The following RALGPS2 variants were observed in gnomAD, a reference collection of about 807,000 sequenced individuals.
RALGPS2 encodes the protein Ral GEF with PH domain and SH3 binding motif 2, also known as ras-specific guanine nucleotide-releasing factor RalGPS2.
RALGPS2 carries 43 observed loss-of-function variants against 86.8 expected under a neutral mutation model. The observed-to-expected ratio is 0.50, with a 90% CI of 0.39 to 0.64. The LOEUF (loss-of-function observed/expected upper bound fraction) is 0.64, where lower values mean the gene tolerates loss of function less well. Ranked by LOEUF, RALGPS2 falls within the 30% of genes least tolerant of loss-of-function variation. The pLI is 0.00. For missense variants in RALGPS2, 536 were observed against 694.6 expected (o/e 0.77, Z 2.57); for synonymous variants, 243 against 231.3 (o/e 1.05, Z -0.46).
chr1:178,902,731 T>A (rs1027108676), intron 18 of RALGPS2, among the ~76,000 whole-genome samples: 1 of 152,128 alleles, frequency 6.6e-6, no homozygotes, highest in South Asian at 2.1e-4. Flanking sequence ...TCCACACAGA[T>A]CTAGAGATGC....
At chr1:178,804,029 C>T (rs929088838) in intron 4 of RALGPS2, among the ~76,000 whole-genome samples, 1 of 150,164 alleles carries the variant, frequency 6.7e-6, no homozygotes, top group African/African-American at 2.4e-5. Flanking sequence ...ATAGTATCAT[C>T]TTAACTGTTT....
intron 5 of RALGPS2, among the ~76,000 whole-genome samples, chr1:178,809,101 C>T (rs1274601867): frequency 6.6e-6 from 1 of 152,158 alleles, no homozygotes; most frequent in Non-Finnish European, 1.5e-5. Flanking sequence ...CCTCCTGCCT[C>T]AGCCTCCCAA....
chr1:178,833,247 G>A (rs188750089), intron 7 of RALGPS2, among the ~76,000 whole-genome samples, 177 bp from the exon 8 acceptor site: 1 of 151,852 alleles, frequency 6.6e-6, no homozygotes, highest in Non-Finnish European at 1.5e-5. Context: ...TAATGAATTT[G>A]GATTATTAAT....
At chr1:178,830,907 A>G (rs1216032667) in intron 7 of RALGPS2, among the ~76,000 whole-genome samples, 2 of 152,184 alleles carry the variant, frequency 1.3e-5, no homozygotes, top group African/African-American at 2.4e-5. Flanking sequence ...GAAAAAAGAA[A>G]AAAAATAGAA....
chr1:178,902,291 C>T, intron 18 of RALGPS2, 80 bp downstream of exon 18: 2 of 1,112,884 alleles, frequency 1.8e-6, no homozygotes, highest in Admixed American at 1.8e-5. Flanking sequence ...TGTGTGTATA[C>T]TTGTCATATA....
chr1:178,801,912 A>C (rs1324254676), intron 4 of RALGPS2, among the ~76,000 whole-genome samples: 1 of 152,160 alleles, frequency 6.6e-6, no homozygotes, highest in Non-Finnish European at 1.5e-5. Context: ...AAAGAAGCTT[A>C]TAATTAGAAA....
At chr1:178,900,910 T>A (rs915058102) in intron 17 of RALGPS2, among the ~76,000 whole-genome samples, 1 of 151,986 alleles carries the variant, frequency 6.6e-6, no homozygotes, top group African/African-American at 2.4e-5. Context: ...TACTTTTTAC[T>A]TTTTGAAAAA....
intron 1 of RALGPS2, among the ~76,000 whole-genome samples, chr1:178,734,705 G>A (rs910651763): frequency 2.6e-5 from 4 of 152,144 alleles, no homozygotes; most frequent in South Asian, 2.1e-4. Context: ...TATGTGTTTC[G>A]ATGATTCTGT....
chr1:178,747,541 C>A, intron 1 of RALGPS2: 1 of 1,612,078 alleles, frequency 6.2e-7, no homozygotes, highest in Non-Finnish European at 8.5e-7. Context: ...TCTTCTGCTG[C>A]CAAACCATAA....
chr1:178,774,536 A>G (rs1466805771), intron 1 of RALGPS2, among the ~76,000 whole-genome samples: 1 of 152,230 alleles, frequency 6.6e-6, no homozygotes, highest in Non-Finnish European at 1.5e-5. Flanking sequence ...AATTATTTGA[A>G]AAATATTTTG....
intron 8 of RALGPS2, among the ~76,000 whole-genome samples, chr1:178,876,964 C>G (rs1353546032): frequency 6.6e-6 from 1 of 152,110 alleles, no homozygotes; most frequent in Non-Finnish European, 1.5e-5. Flanking sequence ...AGTTAAGACT[C>G]AAATGATAGC....
chr1:178,894,710 T>G (rs1659866339), intron 16 of RALGPS2, among the ~76,000 whole-genome samples: 1 of 152,078 alleles, frequency 6.6e-6, no homozygotes, highest in Admixed American at 6.6e-5. Context: ...AAACCACAGA[T>G]AAGAGGGAAA....
At chr1:178,904,244 G>A (rs1400753581) in intron 18 of RALGPS2, among the ~76,000 whole-genome samples, 1 of 152,090 alleles carries the variant, frequency 6.6e-6, no homozygotes, top group Non-Finnish European at 1.5e-5. Flanking sequence ...GTAGATTCTA[G>A]ATGTTAGTCC....
Position 178,921,116 on chromosome 1 carries a change from C to T in RALGPS2, c.*4757C>T, listed in dbSNP as rs1358915751. 6.6e-6 allele frequency: 1 copy of T among 151,876 alleles called. No individual in the cohort carries two copies. The highest frequency in any genetic ancestry group is 1.5e-5 in the Non-Finnish European group (1 of 67,894). The allele number at this position is 151,876 out of a possible 1,614,324, so 9.4% of individuals were successfully genotyped here. On this transcript the variant is annotated 3_prime_UTR_variant, in exon 20 of 20. Transcript: ENST00000367635. ...ATTTTTTTAAAGGGCTAGTATGTTC[C>T]AGAGTAGGCAAGTAGTCATTCAAGC... is the stretch of plus-strand genomic sequence containing the variant.
At chr1:178,892,732 C>T (rs1029716478) in intron 15 of RALGPS2, among the ~76,000 whole-genome samples, 5 of 152,106 alleles carry the variant, frequency 3.3e-5, no homozygotes, top group East Asian at 1.9e-4. Context: ...TGAATGTAGA[C>T]GAGTCTATTT....
rs770782908 is a variant in RALGPS2 at position 178,746,983 on chromosome 1, C to T, written c.-84+21564C>T. 1.4e-5 allele frequency: 13 copies of T among 962,308 alleles called. 1 individual carries two copies. Among genetic ancestry groups the T allele is most frequent in the South Asian group, 6.4e-5 (5 of 77,736 alleles). The allele number at this position is 962,308 out of a possible 1,614,324, so 59.6% of individuals were successfully genotyped here. ...GTCTTCCTTAGAAAGTTCTTTCCAT[C>T]GTTTCTGTATACTAGAATCTCCCTT... On this transcript the variant is annotated intron_variant, in intron 1 of 19. Coordinates refer to ENST00000367635, the MANE Select transcript of RALGPS2 (RefSeq NM_152663.5).
intron 1 of RALGPS2, 42 bp from the exon 2 acceptor site, chr1:178,776,640 C>T (rs1475860758): frequency 1.6e-5 from 10 of 616,576 alleles, no homozygotes; most frequent in Non-Finnish European, 2.6e-5. Flanking sequence ...TTTTCTTGAA[C>T]TTCGAGGAAG....
intron 19 of RALGPS2, among the ~76,000 whole-genome samples, chr1:178,907,640 A>G (rs963354307): frequency 1.3e-5 from 2 of 152,244 alleles, no homozygotes; most frequent in Non-Finnish European, 2.9e-5. Context: ...AGAAATTTAT[A>G]TAGACTTTTT....
intron 14 of RALGPS2, among the ~76,000 whole-genome samples, chr1:178,890,556 A>G (rs1659675726): frequency 6.6e-6 from 1 of 151,996 alleles, no homozygotes; most frequent in South Asian, 2.1e-4. Context: ...GTGTAATTGC[A>G]TAACTCCTTA....
Sources: allele counts gnomAD v4.1 joint callset (sites outside exome capture counted in the v4.1 genomes callset), GRCh38; gene constraint gnomAD v4.1.1; transcripts MANE v1.5; gene names NCBI Gene and HGNC (gene_info 2026-07-23, HGNC 2026-07-21).